Variants in COL13A1 observed in about 807,000 individuals in gnomAD.
The protein encoded by COL13A1 is collagen type XIII alpha 1 chain.
In COL13A1, 89 loss-of-function variants were observed where a neutral mutation model predicts 130.9. That is an observed-to-expected ratio of 0.68 (90% CI 0.57 to 0.81). COL13A1 has a LOEUF of 0.81. Ranked by LOEUF, COL13A1 falls within the 30% of genes least tolerant of loss-of-function variation. The pLI is 0.00. For missense variants in COL13A1, 879 were observed against 934.6 expected, an observed-to-expected ratio of 0.94 and a Z score of 0.78; for synonymous variants, 402 against 341.6, an observed-to-expected ratio of 1.18 and a Z score of -1.95.
intron 40 of COL13A1, among the ~76,000 whole-genome samples, chr10:69,958,155 T>A (rs1441486795): frequency 6.6e-6 from 1 of 152,124 alleles, no homozygotes. Flanking sequence ...AATCCATCCC[T>A]GGAGGCTGGC....
intron 1 of COL13A1, among the ~76,000 whole-genome samples, chr10:69,807,532 A>T (rs1841908074): frequency 6.6e-6 from 1 of 152,186 alleles, no homozygotes; most frequent in Non-Finnish European, 1.5e-5. Context: ...TAGGGGACAG[A>T]TATAGGGGAG....
chr10:69,946,795 GT>G (rs201321769), intron 37 of COL13A1, among the ~76,000 whole-genome samples: 1 of 151,172 alleles, frequency 6.6e-6, no homozygotes. Context: ...TTTGTTTTTT[GT>G]TTTTTGTTTT....
chr10:69,910,214 G>A (rs2135354169), intron 17 of COL13A1, among the ~76,000 whole-genome samples: 1 of 152,072 alleles, frequency 6.6e-6, no homozygotes, highest in African/African-American at 2.4e-5. Flanking sequence ...CTACGGAGGA[G>A]GCACTAACAC....
intron 1 of COL13A1, 42 bp from the exon 2 acceptor site, chr10:69,822,327 T>C (rs1374381526): frequency 1.3e-6 from 2 of 1,498,822 alleles, no homozygotes; most frequent in East Asian, 2.6e-5. Flanking sequence ...GCTTGGTGTC[T>C]ACGAGCTCCT....
chr10:69,953,971 G>A (rs2070130186), intron 39 of COL13A1: 1 of 153,194 alleles, frequency 6.5e-6, no homozygotes. Context: ...TTAAAGGAGA[G>A]AAAGGGGAGC....
intron 3 of COL13A1, among the ~76,000 whole-genome samples, chr10:69,869,232 G>A (rs77409048): frequency 0.014 from 2,097 of 152,354 alleles, 46 homozygotes; most frequent in African/African-American, 0.046. Context: ...TGGAGGGGAT[G>A]AGTCTTCACT....
intron 1 of COL13A1, among the ~76,000 whole-genome samples, chr10:69,816,679 G>C (rs986645911): frequency 6.6e-6 from 1 of 152,146 alleles, no homozygotes; most frequent in Non-Finnish European, 1.5e-5. Flanking sequence ...GAAATGGGGA[G>C]AGTGCGTGTC....
At chr10:69,896,931 T>A (rs1020231588) in intron 13 of COL13A1, among the ~76,000 whole-genome samples, 17 of 152,190 alleles carry the variant, frequency 1.1e-4, no homozygotes, top group Non-Finnish European at 1.8e-4. Flanking sequence ...GGGGTTATTA[T>A]GTTACCCGAA....
At chr10:69,853,689 A>G (rs1269514952) in intron 2 of COL13A1, among the ~76,000 whole-genome samples, 1 of 152,246 alleles carries the variant, frequency 6.6e-6, no homozygotes, top group Non-Finnish European at 1.5e-5. Flanking sequence ...AACCAACTCA[A>G]AGATAAATCA....
intron 37 of COL13A1, 42 bp downstream of exon 37, chr10:69,945,766 GC>G (rs766921010): frequency 2.5e-6 from 4 of 1,589,144 alleles, no homozygotes; most frequent in South Asian, 1.1e-5. Context: ...TCCCACCCCT[GC>G]CCCCATTAGA....
At chr10:69,807,162 C>G (rs1841812058) in intron 1 of COL13A1, among the ~76,000 whole-genome samples, 1 of 152,172 alleles carries the variant, frequency 6.6e-6, no homozygotes, top group Non-Finnish European at 1.5e-5. Context: ...ATAGAAATGT[C>G]CTGTAGTTAT....
At chr10:69,887,148 C>T (rs561637852) in intron 7 of COL13A1, among the ~76,000 whole-genome samples, 1 of 152,188 alleles carries the variant, frequency 6.6e-6, no homozygotes, top group East Asian at 1.9e-4. Context: ...CTGTCCCATG[C>T]GTTTGTTTAC....
At chr10:69,927,218 C>G (rs1291971772) in intron 27 of COL13A1, 108 bp downstream of exon 27, 1 of 1,537,120 alleles carries the variant, frequency 6.5e-7, no homozygotes, top group African/African-American at 1.4e-5. Flanking sequence ...AGGTACTGGG[C>G]TGCAGATTAG....
At chr10:69,812,171 A>T (rs1843229092) in intron 1 of COL13A1, among the ~76,000 whole-genome samples, 1 of 152,168 alleles carries the variant, frequency 6.6e-6, no homozygotes, top group Non-Finnish European at 1.5e-5. Context: ...AATGTGACCC[A>T]TATGGCCTTC....
intron 33 of COL13A1, 85 bp downstream of exon 33, chr10:69,936,867 C>T (rs1334545805): frequency 1.9e-6 from 3 of 1,553,422 alleles, no homozygotes; most frequent in Non-Finnish European, 2.7e-6. Context: ...ACCCTTTTTC[C>T]TAGAAGGCAT....
intron 10 of COL13A1, among the ~76,000 whole-genome samples, chr10:69,893,747 G>T (rs1460064441): frequency 6.6e-6 from 1 of 152,254 alleles, no homozygotes; most frequent in Non-Finnish European, 1.5e-5. Context: ...CTTTCACTGA[G>T]CCATGGGGCC....
At position 69,802,652 on chromosome 10, in the gene COL13A1, G is replaced by A; in HGVS notation, c.229G>A (p.Ala77Thr). 1 of 1,613,522 alleles carries A rather than the reference G, an allele frequency of 6.2e-7. No homozygotes were observed. Among genetic ancestry groups the A allele is most frequent in the Non-Finnish European group, 8.5e-7 (1 of 1,179,600 alleles). The change falls in exon 1 of 41, where the codon GCG (alanine) becomes ACG (threonine). Residue 77 changes from alanine to threonine, a missense_variant. Ala to Thr is a moderately conservative substitution (Grantham distance 58). Coordinates refer to ENST00000645393, the MANE Select transcript of COL13A1 (RefSeq NM_001368882.1). ...ELQARVLRLE[A>T]ERGEQQMETA... ...GCAGGCCCGGGTGCTGCGCCTGGAA[G>A]CGGAGCGCGGGGAGCAGCAAATGGA...
chr10:69,842,524 A>G (rs944448326), intron 2 of COL13A1, among the ~76,000 whole-genome samples: 2 of 152,166 alleles, frequency 1.3e-5, no homozygotes, highest in African/African-American at 2.4e-5. Flanking sequence ...TACATGTCCA[A>G]GGACCTCCCC....
At chr10:69,954,916 C>T (rs1003935008) in intron 39 of COL13A1, 2 of 152,278 alleles carry the variant, frequency 1.3e-5, no homozygotes, top group Admixed American at 1.3e-4. Flanking sequence ...TCCCGCCTGC[C>T]CAGTCCCTCT....
Sources: allele counts gnomAD v4.1 joint callset (sites outside exome capture counted in the v4.1 genomes callset), GRCh38; gene constraint gnomAD v4.1.1; transcripts MANE v1.5; gene names NCBI Gene and HGNC (gene_info 2026-07-23, HGNC 2026-07-21).